SHISA6: variants seen among roughly 807,000 people sequenced by gnomAD.
The protein encoded by SHISA6 is shisa family member 6.
In SHISA6, 22 loss-of-function variants were observed where a neutral mutation model predicts 47.9. The ratio of observed to expected loss-of-function variants is 0.46; its 90% CI spans 0.33 to 0.66. SHISA6 has a LOEUF of 0.66. Ranked by LOEUF, SHISA6 falls within the 30% of genes least tolerant of loss-of-function variation. The pLI, the probability that SHISA6 is intolerant of heterozygous loss-of-function variation, is 0.02. For missense variants in SHISA6, 680 were observed against 764.6 expected (o/e 0.89, Z 1.30); for synonymous variants, 388 against 337.8 (o/e 1.15, Z -1.63).
chr17:11,454,126 G>A (rs1915471947), intron 3 of SHISA6, among the ~76,000 whole-genome samples: 1 of 152,120 alleles, frequency 6.6e-6, no homozygotes, highest in Non-Finnish European at 1.5e-5. Context: ...TCATTCATTC[G>A]ATTTTTAAAG....
chr17:11,381,410 A>G (rs925752262), intron 3 of SHISA6, among the ~76,000 whole-genome samples: 9 of 152,222 alleles, frequency 5.9e-5, no homozygotes, highest in Admixed American at 1.3e-4. Context: ...CTCACATTCC[A>G]CTGGGAGAAA....
intron 3 of SHISA6, among the ~76,000 whole-genome samples, chr17:11,453,836 C>T (rs1915464312): frequency 6.6e-6 from 1 of 152,166 alleles, no homozygotes; most frequent in Non-Finnish European, 1.5e-5. Flanking sequence ...ATTAATATGA[C>T]ATTCTGGAAA....
intron 3 of SHISA6, among the ~76,000 whole-genome samples, chr17:11,388,313 A>T (rs959626855): frequency 8.6e-5 from 13 of 151,858 alleles, no homozygotes; most frequent in African/African-American, 3.1e-4. Flanking sequence ...CTGGGAATGG[A>T]CTCTGTGAAG....
chr17:11,554,359 T>G, intron 4 of SHISA6, among the ~76,000 whole-genome samples: 1 of 152,078 alleles, frequency 6.6e-6, no homozygotes, highest in East Asian at 1.9e-4. Context: ...CTGGCTGAGC[T>G]TCCCTGGCTC....
chr17:11,526,898 T>TATATATATATATATATATATAC (rs2071689037), intron 3 of SHISA6, among the ~76,000 whole-genome samples: 13 of 17,394 alleles, frequency 7.5e-4, no homozygotes, highest in African/African-American at 4.1e-3. Flanking sequence ...TATATATATA[T>TATATATATATATATATATATAC]ATATATATAT....
chr17:11,442,272 C>T (rs1476068290), intron 3 of SHISA6, among the ~76,000 whole-genome samples: 2 of 151,968 alleles, frequency 1.3e-5, no homozygotes, highest in East Asian at 3.9e-4. Flanking sequence ...AGCAACAAAT[C>T]ACCCTGCCTG....
chr17:11,241,417 C>A lies in SHISA6; in HGVS notation c.-6C>A. On this transcript the variant is annotated 5_prime_UTR_variant, in exon 1 of 6. Coordinates refer to ENST00000441885, the MANE Select transcript of SHISA6 (RefSeq NM_207386.4). This position sits in a 1 kb window ranked among gnomAD's most constrained non-coding sequence, Gnocchi z 5.5. Reference sequence around the variant, plus strand: ...GCCTCCCCGCGCCCTCCCGCCCGGCCCCGCCATGGCGCTGCGGCGCCTCCT... The same window carrying A: ...GCCTCCCCGCGCCCTCCCGCCCGGCACCGCCATGGCGCTGCGGCGCCTCCT... 3.5e-6 allele frequency: 4 copies of A among 1,144,784 alleles called. No individual in the cohort carries two copies. Among genetic ancestry groups the A allele is most frequent in the South Asian group, 4.4e-5 (2 of 45,918 alleles). 70.9% of individuals were successfully genotyped at this position (1,144,784 alleles called of 1,614,324 possible).
At position 11,247,745 on chromosome 17, in the gene SHISA6, C is replaced by T. The variant is rs72822788; in HGVS notation, c.638+5685C>T. Among the ~76,000 whole-genome samples, 9 of 150,328 alleles carry T rather than the reference C, an allele frequency of 6.0e-5. No homozygotes were observed. In the South Asian group the frequency reaches 1.3e-3, roughly 21 times the overall value. On this transcript the variant is annotated intron_variant, in intron 1 of 5. Coordinates refer to ENST00000441885, the MANE Select transcript of SHISA6 (RefSeq NM_207386.4). ...CACCCCATTATTTCTTCCTGAGTTACGTTTATGACCTCACCTCTTTGGCGT... is the reference window on the plus strand; with the variant it reads ...CACCCCATTATTTCTTCCTGAGTTATGTTTATGACCTCACCTCTTTGGCGT...
intron 3 of SHISA6, among the ~76,000 whole-genome samples, chr17:11,443,624 T>C (rs1915151914): frequency 6.6e-6 from 1 of 152,188 alleles, no homozygotes; most frequent in South Asian, 2.1e-4. Context: ...TAGCATCTAC[T>C]TTATGGTGCT....
At chr17:11,383,420 C>T (rs139609659) in intron 3 of SHISA6, among the ~76,000 whole-genome samples, 6 of 152,244 alleles carry the variant, frequency 3.9e-5, no homozygotes, top group East Asian at 1.9e-4. Context: ...GCAATAAACG[C>T]GTATTCTTTT....
At chr17:11,366,877 A>T (rs113580397) in intron 2 of SHISA6, among the ~76,000 whole-genome samples, 4 of 152,304 alleles carry the variant, frequency 2.6e-5, no homozygotes, top group African/African-American at 9.6e-5. Context: ...CCCATAAAAG[A>T]TATGTTGAAG....
intron 3 of SHISA6, among the ~76,000 whole-genome samples, chr17:11,425,085 T>G (rs1914575279): frequency 2.0e-5 from 3 of 151,888 alleles, no homozygotes. Context: ...ACATGGTATC[T>G]GTGATTTTCT....
rs566257534 is a variant in SHISA6 at position 11,558,698 on chromosome 17, G to A, written c.*394G>A. ...CTTGACTGTGGTCTGAAGCTGCCTG[G>A]GTTTGAAGGGGCCAGCGGGTCCAAT... On this transcript the variant is annotated 3_prime_UTR_variant, in exon 6 of 6. Coordinates refer to ENST00000441885, the MANE Select transcript of SHISA6 (RefSeq NM_207386.4). The A allele has an allele frequency of 3.8e-6, 1 of 261,386 alleles. No homozygotes were observed. The highest frequency in any genetic ancestry group is 2.2e-5 in the African/African-American group (1 of 45,754). The allele number at this position is 261,386 out of a possible 1,614,324, so 16.2% of individuals were successfully genotyped here.
intron 3 of SHISA6, among the ~76,000 whole-genome samples, chr17:11,470,663 G>A (rs1167512711): frequency 6.9e-6 from 1 of 144,310 alleles, no homozygotes; most frequent in Non-Finnish European, 1.5e-5. Context: ...ACATGAGGGA[G>A]ACAGTAATTC....
At chr17:11,324,967 CT>C (rs1449542628) in intron 2 of SHISA6, among the ~76,000 whole-genome samples, 2 of 152,234 alleles carry the variant, frequency 1.3e-5, no homozygotes, top group East Asian at 1.9e-4. Context: ...TGCCCCAGAT[CT>C]TCCTTTTGCC....
At chr17:11,349,879 G>A (rs1911814264) in intron 2 of SHISA6, among the ~76,000 whole-genome samples, 3 of 152,160 alleles carry the variant, frequency 2.0e-5, no homozygotes, top group Admixed American at 2.0e-4. Flanking sequence ...AAGATTGTGG[G>A]CTCAGGGTTA....
rs144724128 is a variant in SHISA6, at chr17:11,491,079, G to A, written c.896-60817G>A. The stretch of plus-strand genomic sequence containing the variant: ...GCCCCTTCAGCCCAGTGTCAGTGTC[G>A]GGTTAGGGGCATCTCCAACGTCAAG... On this transcript the variant is annotated intron_variant, in intron 3 of 5. Transcript: ENST00000441885. 3.9e-3 allele frequency among the ~76,000 whole-genome samples: 601 copies of A among 152,244 alleles called. 1 individual carries two copies. Among genetic ancestry groups the A allele is most frequent in the Non-Finnish European group, 6.6e-3 (448 of 68,006 alleles).
At chr17:11,525,658 A>AAC (rs2071671966) in intron 3 of SHISA6, among the ~76,000 whole-genome samples, 4 of 131,818 alleles carry the variant, frequency 3.0e-5, no homozygotes, top group Non-Finnish European at 6.8e-5. Context: ...AAAACAAAAA[A>AAC]AAAAAAACGT....
chr17:11,479,846 G>C (rs1916168311), intron 3 of SHISA6, among the ~76,000 whole-genome samples: 1 of 151,670 alleles, frequency 6.6e-6, no homozygotes, highest in Non-Finnish European at 1.5e-5. Context: ...AGAAATAAGA[G>C]TTTTTATTTT....
Sources: allele counts gnomAD v4.1 joint callset (sites outside exome capture counted in the v4.1 genomes callset), GRCh38; gene constraint gnomAD v4.1.1; non-coding constraint Gnocchi (gnomAD v3.1); transcripts MANE v1.5; gene names NCBI Gene and HGNC (gene_info 2026-07-23, HGNC 2026-07-21).